DSCAML1: variants seen among roughly 807,000 people sequenced by gnomAD.
DSCAML1 encodes DS cell adhesion molecule like 1.
DSCAML1 carries 38 observed loss-of-function variants against 200.5 expected under a neutral mutation model. The observed-to-expected ratio is 0.19, with a 90% CI of 0.15 to 0.25. The LOEUF is 0.25. Among genes scored for constraint, DSCAML1 ranks in the 10% least tolerant of loss-of-function variants. The probability of loss-of-function intolerance (pLI) is 1.00; values close to 1 mark genes in which losing one functional copy is unlikely to be tolerated. For synonymous variants in DSCAML1, 1,215 were observed against 1,165.0 expected (o/e 1.04, Z -0.87); for missense variants, 2,223 against 2,858.8 (o/e 0.78, Z 5.07).
chr11:117,765,944 A>G (rs2054889448), intron 3 of DSCAML1, among the ~76,000 whole-genome samples: 1 of 152,230 alleles, frequency 6.6e-6, no homozygotes, highest in Non-Finnish European at 1.5e-5. Flanking sequence ...AAACAGGAGC[A>G]GATGGTGGCT....
chr11:117,603,187 C>A (rs2051499692), intron 3 of DSCAML1, among the ~76,000 whole-genome samples: 1 of 152,222 alleles, frequency 6.6e-6, no homozygotes, highest in African/African-American at 2.4e-5. Context: ...AGTCTCCCAA[C>A]CTGGCTATGG....
In DSCAML1 at chr11:117,704,544, T is replaced by C. The variant is rs139517715; in HGVS notation, c.511+72247A>G. On this transcript the variant is annotated intron_variant, in intron 3 of 32. Transcript: ENST00000651296. ...TGCAGTTTCCCAACCCGGACCATCATGGGCCAAGCCTGGCTGATTGGCAGG... is the reference window on the plus strand; with the variant it reads ...TGCAGTTTCCCAACCCGGACCATCACGGGCCAAGCCTGGCTGATTGGCAGG... Among the ~76,000 whole-genome samples, 367 of 152,272 alleles carry C rather than the reference T, an allele frequency of 2.4e-3. 1 individual carries two copies. The highest frequency in any genetic ancestry group is 8.3e-3 in the African/African-American group (343 of 41,564).
intron 3 of DSCAML1, among the ~76,000 whole-genome samples, chr11:117,656,112 C>T (rs569397719): frequency 6.6e-6 from 1 of 152,222 alleles, no homozygotes; most frequent in Non-Finnish European, 1.5e-5. Context: ...GTGGCGTACG[C>T]CTGTAATCTC....
chr11:117,749,562 G>T (rs574070679), intron 3 of DSCAML1, among the ~76,000 whole-genome samples: 2 of 152,190 alleles, frequency 1.3e-5, no homozygotes. Context: ...AGCACCAGGC[G>T]ACCAGCAGAC....
intron 1 of DSCAML1, among the ~76,000 whole-genome samples, chr11:117,812,742 G>C (rs1276760962): frequency 6.9e-6 from 1 of 143,988 alleles, no homozygotes; most frequent in Non-Finnish European, 1.6e-5. Flanking sequence ...CCTGCTGATC[G>C]TGTCCGACTA....
intron 32 of DSCAML1, among the ~76,000 whole-genome samples, chr11:117,429,411 T>C (rs974523195): frequency 6.6e-6 from 1 of 152,194 alleles, no homozygotes; most frequent in Non-Finnish European, 1.5e-5. Context: ...GTTCCTAATT[T>C]CTTTTTTTTT....
intron 3 of DSCAML1, among the ~76,000 whole-genome samples, chr11:117,567,053 C>G (rs1011506514): frequency 6.6e-6 from 1 of 152,160 alleles, no homozygotes; most frequent in Non-Finnish European, 1.5e-5. Flanking sequence ...GTGCATGTAT[C>G]TTTATAGCAG....
chr11:117,531,895 GAAA>G (rs2050082807), intron 4 of DSCAML1, among the ~76,000 whole-genome samples: 1 of 108,896 alleles, frequency 9.2e-6, no homozygotes, highest in Admixed American at 1.4e-4. Context: ...TCAGGAAAAA[GAAA>G]GAAAGGGAAG....
chr11:117,627,284 G>A (rs926163068), intron 3 of DSCAML1, among the ~76,000 whole-genome samples: 1 of 152,030 alleles, frequency 6.6e-6, no homozygotes, highest in African/African-American at 2.4e-5. Context: ...AAGTAACCCC[G>A]CCTCTTCTTC....
intron 11 of DSCAML1, among the ~76,000 whole-genome samples, chr11:117,484,827 C>T (rs1470254854): frequency 6.6e-6 from 1 of 151,594 alleles, no homozygotes; most frequent in Non-Finnish European, 1.5e-5. Flanking sequence ...GGCCTCCTTC[C>T]TGGGGAGGAA....
intron 3 of DSCAML1, among the ~76,000 whole-genome samples, chr11:117,755,452 A>C (rs1809113646): frequency 6.6e-6 from 1 of 152,122 alleles, no homozygotes; most frequent in Admixed American, 6.5e-5. Context: ...TCTGAGAGGT[A>C]AGTAACCTGT....
rs190742428 is a variant in DSCAML1, at chr11:117,642,562, G to A, written c.512-110040C>T. Among the ~76,000 whole-genome samples the A allele has an allele frequency of 6.8e-4, 104 of 152,352 alleles. No individual in the cohort carries two copies. In the East Asian group the frequency reaches 0.017, roughly 25 times the overall value. On this transcript the variant is annotated intron_variant, in intron 3 of 32. Coordinates refer to ENST00000651296, the MANE Select transcript of DSCAML1 (RefSeq NM_020693.4). This position sits in a 1 kb window ranked among gnomAD's most constrained non-coding sequence, Gnocchi z 4.1. ...CCAGGTGCCTGGCGAGGGGCTGGAA[G>A]GAGCAATGGTGAGACACAGTGGGGC...
chr11:117,484,733 A>AT (rs1262827194), intron 11 of DSCAML1, among the ~76,000 whole-genome samples: 1 of 152,140 alleles, frequency 6.6e-6, no homozygotes, highest in East Asian at 1.9e-4. Context: ...AGATGCCTCC[A>AT]TTTTTTACTG....
chr11:117,486,242 A>G (rs1179650025), intron 11 of DSCAML1, among the ~76,000 whole-genome samples: 1 of 116,626 alleles, frequency 8.6e-6, no homozygotes, highest in African/African-American at 3.2e-5. Context: ...GGCGGATGGG[A>G]AAGTGGCGGA....
chr11:117,620,850 T>C (rs538434927), intron 3 of DSCAML1, among the ~76,000 whole-genome samples: 1 of 152,356 alleles, frequency 6.6e-6, no homozygotes, highest in African/African-American at 2.4e-5. Context: ...GGTCTCAGTT[T>C]CCACAGGTGC....
chr11:117,690,868 T>C (rs1329866861), intron 3 of DSCAML1, among the ~76,000 whole-genome samples: 1 of 152,242 alleles, frequency 6.6e-6, no homozygotes, highest in Non-Finnish European at 1.5e-5. Flanking sequence ...GGGCTCACCC[T>C]GCTTCCATCA....
rs939405260 is a variant in DSCAML1 at position 117,630,311 on chromosome 11, C to A, written c.512-97789G>T. 2.0e-5 allele frequency among the ~76,000 whole-genome samples: 3 copies of A among 152,292 alleles called. No homozygotes were observed. In the South Asian group the frequency reaches 6.2e-4, roughly 32 times the overall value. On this transcript the variant is annotated intron_variant, in intron 3 of 32. Coordinates refer to ENST00000651296, the MANE Select transcript of DSCAML1 (RefSeq NM_020693.4). ...GCACTGCCTGAACAGGCGTCGAATG[C>A]ACGTCACATGCCTGCTTGCTGCTAG... is the stretch of plus-strand genomic sequence containing the variant.
At chr11:117,578,235 C>CAAA (rs1263108249) in intron 3 of DSCAML1, among the ~76,000 whole-genome samples, 3 of 18,292 alleles carry the variant, frequency 1.6e-4, no homozygotes, top group African/African-American at 2.3e-4. Flanking sequence ...AACTCTGTCT[C>CAAA]GAAAAAAAAA....
At position 117,469,593 on chromosome 11, in the gene DSCAML1, T is replaced by C. The variant is rs933587912; in HGVS notation, c.3024+317A>G. Reference sequence around the variant, plus strand: ...ACCTACTTCCAACCTTATTACAACATGTGGGGTTTGGACGACGGGCCAGCA... The same window carrying C: ...ACCTACTTCCAACCTTATTACAACACGTGGGGTTTGGACGACGGGCCAGCA... On this transcript the variant is annotated intron_variant, in intron 16 of 32. Coordinates refer to ENST00000651296, the MANE Select transcript of DSCAML1 (RefSeq NM_020693.4). The surrounding 1 kb of genome is among the most constrained non-coding windows in gnomAD (Gnocchi z 4.1). 1.3e-5 allele frequency among the ~76,000 whole-genome samples: 2 copies of C among 151,946 alleles called. No homozygotes were observed. Among genetic ancestry groups the C allele is most frequent in the African/African-American group, 2.4e-5 (1 of 41,348 alleles).
Sources: gnomAD v4.1 joint callset for allele counts (sites outside exome capture counted in the v4.1 genomes callset) on GRCh38, gnomAD v4.1.1 for gene constraint, Gnocchi (gnomAD v3.1) non-coding constraint, MANE v1.5 for transcripts, NCBI Gene and HGNC (gene_info 2026-07-23, HGNC 2026-07-21) for gene names.